Variants in ATRNL1 observed in about 807,000 individuals in gnomAD.
ATRNL1 encodes attractin-like protein 1.
ATRNL1 carries 95 observed loss-of-function variants against 182.7 expected under a neutral mutation model. The ratio of observed to expected loss-of-function variants is 0.52; its 90% confidence interval spans 0.44 to 0.62. The LOEUF (loss-of-function observed/expected upper bound fraction) is 0.62, where lower values mean the gene tolerates loss of function less well. Among genes scored for constraint, ATRNL1 ranks in the 20% least tolerant of loss-of-function variants. ATRNL1 has a pLI of 0.00. For synonymous variants in ATRNL1, 576 were observed against 568.3 expected (o/e 1.01, Z -0.19); for missense variants, 1,471 against 1,679.5 (o/e 0.88, Z 2.17).
chr10:115,724,007 G>C (rs1215661645), intron 26 of ATRNL1, among the ~76,000 whole-genome samples: 1 of 151,776 alleles, frequency 6.6e-6, no homozygotes, highest in Admixed American at 6.6e-5. Context: ...ATAATCTATT[G>C]TATTATGATC....
chr10:115,792,444 A>G (rs563116264), intron 27 of ATRNL1, among the ~76,000 whole-genome samples: 38 of 152,216 alleles, frequency 2.5e-4, no homozygotes, highest in Admixed American at 2.5e-3. Flanking sequence ...CTACACTATC[A>G]ACATATATTG....
At chr10:115,622,417 T>C (rs1182854677) in intron 26 of ATRNL1, among the ~76,000 whole-genome samples, 1 of 152,220 alleles carries the variant, frequency 6.6e-6, no homozygotes, top group Non-Finnish European at 1.5e-5. Flanking sequence ...AGCTCAAGTT[T>C]GAAAAGTCAT....
rs376584139 is a variant in ATRNL1, at chr10:115,479,429, CA to C, written c.3654+10101del. ...CCATTGAGATCCTCTGCCATTTAAACATATTATTTGATTAATTTATGTACTT... is the reference window on the plus strand; with the variant it reads ...CCATTGAGATCCTCTGCCATTTAAACTATTATTTGATTAATTTATGTACTT... On this transcript the variant is annotated intron_variant, in intron 24 of 28. Coordinates refer to ENST00000355044, the MANE Select transcript of ATRNL1 (RefSeq NM_207303.4). Among the ~76,000 whole-genome samples the C allele has an allele frequency of 1.4e-3, 211 of 151,656 alleles. 1 individual carries two copies. Among genetic ancestry groups the C allele is most frequent in the African/African-American group, 4.6e-3 (192 of 41,500 alleles).
chr10:115,304,074 A>G (rs977601310), intron 17 of ATRNL1, among the ~76,000 whole-genome samples: 1 of 152,152 alleles, frequency 6.6e-6, no homozygotes, highest in Non-Finnish European at 1.5e-5. Flanking sequence ...AGGTTTTTGC[A>G]TCAGTCCACT....
At chr10:115,327,654 C>T (rs368308928) in intron 18 of ATRNL1, among the ~76,000 whole-genome samples, 3 of 150,138 alleles carry the variant, frequency 2.0e-5, no homozygotes, top group Non-Finnish European at 4.4e-5. Context: ...TATTGCGGCA[C>T]TATTCACAAT....
intron 9 of ATRNL1, among the ~76,000 whole-genome samples, chr10:115,223,929 A>ATT (rs1223695295): frequency 8.0e-4 from 36 of 44,726 alleles, no homozygotes; most frequent in African/African-American, 1.2e-3. Context: ...ATATATATAT[A>ATT]TTTTTTTTTT....
At chr10:115,659,571 A>G (rs1555037129) in intron 26 of ATRNL1, among the ~76,000 whole-genome samples, 1 of 152,144 alleles carries the variant, frequency 6.6e-6, no homozygotes, top group Non-Finnish European at 1.5e-5. Flanking sequence ...TATTTACATT[A>G]CATTATTTAA....
chr10:115,814,603 T>TA (rs1950119909), intron 27 of ATRNL1, among the ~76,000 whole-genome samples: 1 of 152,120 alleles, frequency 6.6e-6, no homozygotes, highest in South Asian at 2.1e-4. Flanking sequence ...CAAGGCAGAC[T>TA]AAATGTTTTT....
intron 25 of ATRNL1, among the ~76,000 whole-genome samples, chr10:115,529,751 T>C (rs782120749): frequency 7.2e-5 from 11 of 152,118 alleles, no homozygotes; most frequent in Non-Finnish European, 1.3e-4. Flanking sequence ...AATTTGTGTT[T>C]TATTTGGTGA....
chr10:115,128,478 A>T, intron 4 of ATRNL1: 1 of 754,436 alleles, frequency 1.3e-6, no homozygotes, highest in Non-Finnish European at 1.6e-6. Flanking sequence ...GCAATTTATT[A>T]TGGAATTTAT....
chr10:115,908,686 G>A (rs1952575990), intron 28 of ATRNL1, among the ~76,000 whole-genome samples: 1 of 152,160 alleles, frequency 6.6e-6, no homozygotes, highest in Non-Finnish European at 1.5e-5. Context: ...AAATCTAGAA[G>A]AACAGATTTC....
At chr10:115,714,341 A>AG (rs1555055706) in intron 26 of ATRNL1, among the ~76,000 whole-genome samples, 2 of 151,712 alleles carry the variant, frequency 1.3e-5, no homozygotes, top group Non-Finnish European at 2.9e-5. Flanking sequence ...AAAAAAAAAA[A>AG]CTCAGCAAAG....
intron 21 of ATRNL1, among the ~76,000 whole-genome samples, chr10:115,442,801 T>A (rs1016122358): frequency 2.0e-5 from 3 of 152,090 alleles, no homozygotes; most frequent in African/African-American, 7.2e-5. Flanking sequence ...GCAAACTCCA[T>A]AGGAACAAGG....
intron 9 of ATRNL1, among the ~76,000 whole-genome samples, chr10:115,218,262 T>C (rs1320739986): frequency 6.6e-6 from 1 of 151,858 alleles, no homozygotes; most frequent in African/African-American, 2.4e-5. Flanking sequence ...CTCATTTTGG[T>C]TGCTGTCACT....
intron 8 of ATRNL1, 132 bp from the exon 9 acceptor site, chr10:115,215,565 A>C: frequency 1.4e-6 from 1 of 725,960 alleles, no homozygotes; most frequent in Non-Finnish European, 2.1e-6. Flanking sequence ...TCTTGATTAA[A>C]TTAATATTAG....
chr10:115,861,831 C>CAGT (rs1167127888), intron 28 of ATRNL1, among the ~76,000 whole-genome samples: 1 of 151,980 alleles, frequency 6.6e-6, no homozygotes, highest in Non-Finnish European at 1.5e-5. Flanking sequence ...AGGCCAGGAG[C>CAGT]AGTAGCTCAC....
intron 26 of ATRNL1, among the ~76,000 whole-genome samples, chr10:115,613,749 G>T (rs1857284472): frequency 6.6e-6 from 1 of 151,876 alleles, no homozygotes; most frequent in South Asian, 2.1e-4. Context: ...TTCAATCTTG[G>T]TAAGTTTTAT....
chr10:115,768,170 G>A (rs1555075471), intron 27 of ATRNL1, among the ~76,000 whole-genome samples: 1 of 152,040 alleles, frequency 6.6e-6, no homozygotes, highest in Non-Finnish European at 1.5e-5. Context: ...ATAAATTGCT[G>A]AATCTCTTAA....
chr10:115,648,114 A>G (rs1209359826), intron 26 of ATRNL1, among the ~76,000 whole-genome samples: 1 of 151,952 alleles, frequency 6.6e-6, no homozygotes, highest in African/African-American at 2.4e-5. Flanking sequence ...GTAGATGTTC[A>G]GGATACAAAA....
Sources: allele counts gnomAD v4.1 joint callset (sites outside exome capture counted in the v4.1 genomes callset), GRCh38; gene constraint gnomAD v4.1.1; transcripts MANE v1.5; gene names NCBI Gene and HGNC (gene_info 2026-07-23, HGNC 2026-07-21).